SERHL2: variants seen among roughly 807,000 people sequenced by gnomAD.
SERHL2 encodes the protein serine hydrolase like 2.
A neutral mutation model predicts 25.5 loss-of-function variants in SERHL2; 29 were observed. The ratio of observed to expected loss-of-function variants is 1.14; its 90% CI spans 0.85 to 1.55. SERHL2 has a LOEUF of 1.55. Among genes scored for constraint, SERHL2 ranks in the 40% most tolerant of loss-of-function variants. The pLI is 0.00. For missense variants in SERHL2, 240 were observed against 252.3 expected (o/e 0.95, Z 0.33); for synonymous variants, 95 against 103.5 (o/e 0.92, Z 0.50).
chr22:42,571,024 C>G (rs1220283406), intron 9 of SERHL2, 97 bp from the exon 10 acceptor site: 1 of 1,576,402 alleles, frequency 6.3e-7, no homozygotes, highest in East Asian at 2.3e-5. Flanking sequence ...CTAAGGTGCC[C>G]TCGCCAGGAC....
At position 42,555,032 on chromosome 22, in the gene SERHL2, C is replaced by CGCT. The variant is rs1922051870; in HGVS notation, c.118_119insCTG (p.His39_Gly40insAla). The CGCT allele has an allele frequency of 1.3e-6, 1 of 790,152 alleles. No individual in the cohort carries two copies. The highest frequency in any genetic ancestry group is 2.5e-5 in the East Asian group (1 of 40,548). 48.9% of individuals were successfully genotyped at this position (790,152 alleles called of 1,614,324 possible). ...AGGGCCCTCCAGTTCTCTGCCTGCA[C>CGCT]GGCTGGCTGGACAATGCCAGCTCCT... On this transcript the variant is annotated inframe_insertion, in exon 2 of 12. Coordinates refer to ENST00000327678, the MANE Select transcript of SERHL2 (RefSeq NM_014509.5).
Position 42,574,109 on chromosome 22 carries a change from C to CTGAG in SERHL2, c.*56_*59dup. 1.3e-6 allele frequency: 2 copies of CTGAG among 1,508,896 alleles called. No homozygotes were observed. Among genetic ancestry groups the CTGAG allele is most frequent in the Non-Finnish European group, 9.2e-7 (1 of 1,091,868 alleles). The allele number at this position is 1,508,896 out of a possible 1,614,324, so 93.5% of individuals were successfully genotyped here. A position where few individuals can be genotyped will look rare whatever the true frequency, so the allele number is the denominator to read the frequency against. On this transcript the variant is annotated 3_prime_UTR_variant, in exon 12 of 12. Transcript: ENST00000327678. The stretch of plus-strand genomic sequence containing the variant: ...TGCTCCCAGACTCAACACTGGGACT[C>CTGAG]TGAGTTCCTGAGCCCCACAACAAGG...
In SERHL2 at chr22:42,574,131, A is replaced by G. The variant is rs527466642; in HGVS notation, c.*76A>G. On this transcript the variant is annotated 3_prime_UTR_variant, in exon 12 of 12. Transcript: ENST00000327678. ...ACTCTGAGTTCCTGAGCCCCACAAC[A>G]AGGCCAGGGATGGTGGGGACAGGCC... 1 of 1,335,370 alleles carries G rather than the reference A, an allele frequency of 7.5e-7. No individual in the cohort carries two copies. The highest frequency in any genetic ancestry group is 1.4e-5 in the African/African-American group (1 of 69,156). The allele number at this position is 1,335,370 out of a possible 1,614,324, so 82.7% of individuals were successfully genotyped here. A position where few individuals can be genotyped will look rare whatever the true frequency, so the allele number is the denominator to read the frequency against.
In SERHL2 at chr22:42,566,316, A is replaced by C; in HGVS notation, c.626A>C (p.Asn209Thr). 6.2e-7 allele frequency: 1 copy of C among 1,612,186 alleles called. No homozygotes were observed. Among genetic ancestry groups the C allele is most frequent in the South Asian group, 1.1e-5 (1 of 91,072 alleles). The change falls in exon 9 of 12, where the codon AAC becomes ACC. Residue 209 changes from asparagine to threonine, a missense_variant. By Grantham distance (65) the Asn-to-Thr change is moderately conservative. This residue lies in a region of SERHL2 where 212 missense variants were observed against 168.9 expected (regional missense o/e 1.25). Transcript: ENST00000327678. ...TTKVATGLVL[N>T]RDQRLAWAEN... is the part of the protein sequence containing the mutation. ...CTTCCGCCTCCAGGTCTGGTTCTGA[A>C]CAGAGACCAGAGGCTCGCCTGGGTG... is the stretch of plus-strand genomic sequence containing the variant.
intron 10 of SERHL2, chr22:42,571,999 C>T (rs1924289556): frequency 6.5e-6 from 1 of 153,154 alleles, no homozygotes; most frequent in South Asian, 2.0e-4. Context: ...TTCGCGATTT[C>T]TTTGGGGGCG....
At chr22:42,572,333 C>G (rs1370597180) in intron 10 of SERHL2, 103 bp from the exon 11 acceptor site, 2 of 784,174 alleles carry the variant, frequency 2.6e-6, no homozygotes, top group African/African-American at 3.5e-5. Context: ...GTAGCCCAGG[C>G]TTTGGTTTCT....
rs753514763 is a variant in SERHL2, at chr22:42,566,358, G to C, written c.648+20G>C. The C allele has an allele frequency of 1.1e-5, 18 of 1,610,116 alleles. No individual in the cohort carries two copies. The highest frequency in any genetic ancestry group is 1.4e-5 in the Non-Finnish European group (16 of 1,178,202). ...GCCTGGGTGAGTACCACTGCCTCCG[G>C]GTCCCCCGCCAAGGTTTGCCTGTTA... On this transcript the variant is annotated intron_variant, in intron 9 of 11. Coordinates refer to ENST00000327678, the MANE Select transcript of SERHL2 (RefSeq NM_014509.5).
intron 7 of SERHL2, among the ~76,000 whole-genome samples, chr22:42,559,758 C>T (rs969890526): frequency 6.6e-6 from 1 of 151,852 alleles, no homozygotes; most frequent in African/African-American, 2.4e-5. Context: ...GAGACACATG[C>T]ACGCTTTGTG....
chr22:42,572,162 T>G (rs151306031), intron 10 of SERHL2, among the ~76,000 whole-genome samples: 1,656 of 152,160 alleles, frequency 0.011, 30 homozygotes, highest in African/African-American at 0.039. Context: ...CAGCTCTGCT[T>G]TTCAGGGCTG....
chr22:42,562,112 A>T (rs1300240196), intron 8 of SERHL2, among the ~76,000 whole-genome samples: 2 of 151,770 alleles, frequency 1.3e-5, no homozygotes, highest in Non-Finnish European at 2.9e-5. Context: ...CGTTGTGTGC[A>T]GACAAGCCCT....
At chr22:42,567,667 T>C (rs1202976042) in intron 9 of SERHL2, among the ~76,000 whole-genome samples, 2 of 145,288 alleles carry the variant, frequency 1.4e-5, no homozygotes, top group East Asian at 2.9e-4. Context: ...CGAGACTCCA[T>C]GTCAAAAAAA....
intron 10 of SERHL2, 60 bp from the exon 11 acceptor site, chr22:42,572,376 G>A (rs1483888860): frequency 3.0e-5 from 38 of 1,262,060 alleles, no homozygotes; most frequent in Middle Eastern, 3.8e-4. Flanking sequence ...CAGGATGGGG[G>A]CACCGCTGGG....
At chr22:42,572,091 G>A (rs1373745508) in intron 10 of SERHL2, among the ~76,000 whole-genome samples, 2 of 152,068 alleles carry the variant, frequency 1.3e-5, no homozygotes, top group Non-Finnish European at 1.5e-5. Context: ...TCAACGGGAG[G>A]ATTGTGAAGA....
rs1923370255 is a variant in SERHL2, at chr22:42,566,300, C to G, written c.614-4C>G. 6.2e-7 allele frequency: 1 copy of G among 1,611,830 alleles called. No homozygotes were observed. Among genetic ancestry groups the G allele is most frequent in the Non-Finnish European group, 8.5e-7 (1 of 1,179,068 alleles). ...CGCTGCTGTCTTTGTGCTTCCGCCTCCAGGTCTGGTTCTGAACAGAGACCA... is the reference window on the plus strand; with the variant it reads ...CGCTGCTGTCTTTGTGCTTCCGCCTGCAGGTCTGGTTCTGAACAGAGACCA... On this transcript the variant is annotated splice_polypyrimidine_tract_variant and splice_region_variant and intron_variant, in intron 8 of 11. Transcript: ENST00000327678.
chr22:42,560,927 A>G (rs1366085940), intron 8 of SERHL2, among the ~76,000 whole-genome samples: 2 of 151,578 alleles, frequency 1.3e-5, no homozygotes, highest in Non-Finnish European at 2.9e-5. Context: ...AGGGCCTGCT[A>G]CAGGCCCGGC....
At chr22:42,567,338 TTC>T (rs1194831300) in intron 9 of SERHL2, among the ~76,000 whole-genome samples, 1 of 152,038 alleles carries the variant, frequency 6.6e-6, no homozygotes, top group African/African-American at 2.4e-5. Flanking sequence ...GTGATTCATT[TTC>T]TTTTCTTTTT....
At chr22:42,567,422 T>G (rs1923545773) in intron 9 of SERHL2, among the ~76,000 whole-genome samples, 1 of 151,592 alleles carries the variant, frequency 6.6e-6, no homozygotes, top group Admixed American at 6.6e-5. Context: ...CCCAGCACTT[T>G]GGGAGGCCGA....
intron 1 of SERHL2, among the ~76,000 whole-genome samples, chr22:42,554,298 G>C (rs1569272227): frequency 6.6e-6 from 1 of 152,112 alleles, no homozygotes; most frequent in South Asian, 2.1e-4. Flanking sequence ...TCGGGGGTGC[G>C]CAAGTCTCCA....
rs771854904 is a variant in SERHL2, at chr22:42,566,276, G to A, written c.614-28G>A. ...CCTGACCCTGATGGACAGCATTGAC[G>A]CTGCTGTCTTTGTGCTTCCGCCTCC... is the stretch of plus-strand genomic sequence containing the variant. On this transcript the variant is annotated intron_variant, in intron 8 of 11. Coordinates refer to ENST00000327678, the MANE Select transcript of SERHL2 (RefSeq NM_014509.5). 16 of 1,607,476 alleles carry A rather than the reference G, an allele frequency of 1.0e-5. 1 individual carries two copies. The highest frequency in any genetic ancestry group is 2.2e-5 in the East Asian group (1 of 44,862).
Sources: allele counts gnomAD v4.1 joint callset (sites outside exome capture counted in the v4.1 genomes callset), GRCh38; gene constraint gnomAD v4.1.1; regional missense constraint gnomAD v4.1.1; transcripts MANE v1.5; gene names NCBI Gene and HGNC (gene_info 2026-07-23, HGNC 2026-07-21).